Variants in HECTD4 observed in about 807,000 individuals in gnomAD.
HECTD4 encodes HECT domain E3 ubiquitin protein ligase 4.
A neutral mutation model predicts 471.5 loss-of-function variants in HECTD4; 114 were observed. The ratio of observed to expected loss-of-function variants is 0.24; its 90% CI spans 0.21 to 0.28. HECTD4 has a LOEUF of 0.28. Among genes scored for constraint, HECTD4 ranks in the 10% least tolerant of loss-of-function variants. The probability of loss-of-function intolerance (pLI) is 1.00; values close to 1 mark genes in which losing one functional copy is unlikely to be tolerated. For synonymous variants in HECTD4, 2,012 were observed against 2,256.0 expected (o/e 0.89, Z 3.07); for missense variants, 3,866 against 5,651.5 (o/e 0.68, Z 10.13).
Position 112,228,944 on chromosome 12 carries a change from G to T in HECTD4, c.6520-133C>A. The T allele has an allele frequency of 1.2e-6, 1 of 835,028 alleles. No homozygotes were observed. Among genetic ancestry groups the T allele is most frequent in the Non-Finnish European group, 1.9e-6 (1 of 518,196 alleles). 51.7% of individuals were successfully genotyped at this position (835,028 alleles called of 1,614,324 possible). ...AGTAATAGTTTATACTACTAGGGTA[G>T]CAGATACCAAGCCCTAGACATGACT... On this transcript the variant is annotated intron_variant, in intron 41 of 75. Coordinates refer to ENST00000682272, the MANE Select transcript of HECTD4 (RefSeq NM_001388303.1). This position sits in a 1 kb window ranked among gnomAD's most constrained non-coding sequence, Gnocchi z 4.9.
intron 34 of HECTD4, 82 bp from the exon 35 acceptor site, chr12:112,237,180 T>C: frequency 8.0e-7 from 1 of 1,244,096 alleles, no homozygotes; most frequent in Non-Finnish European, 1.1e-6. Flanking sequence ...GCGAGCCCTG[T>C]CCATTTATCT....
intron 1 of HECTD4, among the ~76,000 whole-genome samples, chr12:112,330,814 C>T (rs889863909): frequency 2.0e-5 from 3 of 152,212 alleles, no homozygotes; most frequent in African/African-American, 7.2e-5. Context: ...ACTAATTTTA[C>T]TTTTGCCTTC....
chr12:112,176,945 T>TTTCTA (rs2031472330), intron 64 of HECTD4, among the ~76,000 whole-genome samples: 1 of 152,242 alleles, frequency 6.6e-6, no homozygotes, highest in Non-Finnish European at 1.5e-5. Context: ...TCAAACACTC[T>TTTCTA]TTCTACATAT....
At chr12:112,312,898 T>C (rs1313086517) in intron 4 of HECTD4, 119 bp downstream of exon 4, 3 of 749,400 alleles carry the variant, frequency 4.0e-6, no homozygotes, top group Non-Finnish European at 6.3e-6. Context: ...TGAATAGAAA[T>C]CTGGAGCTCT....
intron 66 of HECTD4, 49 bp from the exon 67 acceptor site, chr12:112,172,910 G>C (rs11066188): frequency 6.6e-7 from 1 of 1,504,030 alleles, no homozygotes; most frequent in Non-Finnish European, 9.2e-7. Context: ...AGGGCACACC[G>C]GGATGACTGT....
Position 112,381,824 on chromosome 12 carries a change from C to G in HECTD4, c.177+128G>C, listed in dbSNP as rs964767304. On this transcript the variant is annotated intron_variant, in intron 1 of 75. Transcript: ENST00000682272. This position sits in a 1 kb window ranked among gnomAD's most constrained non-coding sequence, Gnocchi z 4.1. Reference sequence around the variant, plus strand: ...CGCGGCCCCACCTGCCCGCCCCGCGCCCACACACACCTGCCCCGGCAGCCG... The same window carrying G: ...CGCGGCCCCACCTGCCCGCCCCGCGGCCACACACACCTGCCCCGGCAGCCG... 1.8e-6 allele frequency: 1 copy of G among 555,522 alleles called. No individual in the cohort carries two copies. Among genetic ancestry groups the G allele is most frequent in the Non-Finnish European group, 2.6e-6 (1 of 381,476 alleles). The allele number at this position is 555,522 out of a possible 1,614,324, so 34.4% of individuals were successfully genotyped here.
intron 55 of HECTD4, among the ~76,000 whole-genome samples, chr12:112,196,932 A>G (rs1487338028): frequency 1.3e-5 from 2 of 151,940 alleles, no homozygotes; most frequent in Non-Finnish European, 2.9e-5. Flanking sequence ...AGTAGCGGGG[A>G]TTACAGGCGT....
At position 112,246,959 on chromosome 12, in the gene HECTD4, G is replaced by A; in HGVS notation, c.4455C>T (p.Thr1485=). The change falls in exon 29 of 76, where the codon ACC becomes ACT. Residue 1485 remains threonine, a synonymous_variant. Transcript: ENST00000682272. ...MNRAELLLHV[T]IAAQSGLTRS... ...TCGTGAGGCCCGACTGGGCTGCGAT[G>A]GTGACATGCAGCAACAGCTCGGCTC... The A allele has an allele frequency of 6.2e-7, 1 of 1,612,248 alleles. No homozygotes were observed. The highest frequency in any genetic ancestry group is 1.1e-5 in the South Asian group (1 of 90,972).
At chr12:112,222,264 A>T (rs1236018515) in intron 44 of HECTD4, among the ~76,000 whole-genome samples, 1 of 151,754 alleles carries the variant, frequency 6.6e-6, no homozygotes, top group Non-Finnish European at 1.5e-5. Context: ...ACCAAGTTGG[A>T]CAGGCTGGTC....
chr12:112,206,994 G>GA (rs1413514295), intron 52 of HECTD4, among the ~76,000 whole-genome samples: 7 of 152,090 alleles, frequency 4.6e-5, no homozygotes, highest in Non-Finnish European at 8.8e-5. Context: ...TTAAGTGTTA[G>GA]AATAAACAAG....
At position 112,173,598 on chromosome 12, in the gene HECTD4, G is replaced by C. The variant is rs1396353981; in HGVS notation, c.11595-737C>G. On this transcript the variant is annotated intron_variant, in intron 66 of 75. Transcript: ENST00000682272. The surrounding 1 kb of genome is among the most constrained non-coding windows in gnomAD (Gnocchi z 4.3). ...TTTAGTAGAGACGAGGTTTCACCGT[G>C]TTAGCCAGGATGGTCTCAATCTCCT... 6.6e-6 allele frequency among the ~76,000 whole-genome samples: 1 copy of C among 151,724 alleles called. No individual in the cohort carries two copies. The highest frequency in any genetic ancestry group is 1.9e-4 in the East Asian group (1 of 5,134).
chr12:112,208,111 T>A, intron 51 of HECTD4, 111 bp from the exon 52 acceptor site: 2 of 1,262,022 alleles, frequency 1.6e-6, no homozygotes, highest in Non-Finnish European at 2.2e-6. Context: ...TAAATGCCAG[T>A]AATAGAAAGA....
chr12:112,302,522 C>G, intron 7 of HECTD4: 1 of 729,536 alleles, frequency 1.4e-6, no homozygotes, highest in Admixed American at 1.8e-5. Context: ...TAGGTGAGTT[C>G]TCTTTTGGGC....
chr12:112,203,864 C>A (rs7958042), intron 53 of HECTD4, 92 bp from the exon 54 acceptor site: 1 of 647,962 alleles, frequency 1.5e-6, no homozygotes, highest in Non-Finnish European at 2.4e-6. Flanking sequence ...TCCAGATAAA[C>A]ATAAAATAAT....
At chr12:112,275,910 T>C (rs2034516235) in intron 9 of HECTD4, among the ~76,000 whole-genome samples, 2 of 152,212 alleles carry the variant, frequency 1.3e-5, no homozygotes, top group South Asian at 2.1e-4. Flanking sequence ...TGGCCACTTA[T>C]ATGAATAATA....
intron 67 of HECTD4, 84 bp downstream of exon 67, chr12:112,172,587 G>T: frequency 1.5e-6 from 2 of 1,350,252 alleles, no homozygotes; most frequent in South Asian, 1.2e-5. Flanking sequence ...ACGTCTAAAT[G>T]AATCTAGCCC....
Position 112,231,700 on chromosome 12 carries a change from C to G in HECTD4, c.6013G>C (p.Val2005Leu). The G allele has an allele frequency of 6.2e-7, 1 of 1,611,790 alleles. No homozygotes were observed. The highest frequency in any genetic ancestry group is 8.5e-7 in the Non-Finnish European group (1 of 1,179,652). Residue 2005 changes from valine (V) to leucine (L), a missense_variant, in exon 39 of 76, where the codon GTG becomes CTG. This residue lies in a region of HECTD4 where 617 missense variants were observed against 915.1 expected (regional missense o/e 0.67). Coordinates refer to ENST00000682272, the MANE Select transcript of HECTD4 (RefSeq NM_001388303.1). ...RDMTKGGCCE[V>L]ITEEAAAALR... The stretch of plus-strand genomic sequence containing the variant: ...GCGGCTGCAGCCTCTTCTGTAATCA[C>G]TTCGCAACAGCCACCCTGGGGTGAG...
intron 44 of HECTD4, among the ~76,000 whole-genome samples, chr12:112,223,714 C>T (rs2033158409): frequency 6.6e-6 from 1 of 152,168 alleles, no homozygotes; most frequent in Non-Finnish European, 1.5e-5. Context: ...GCCACCACGT[C>T]CGGCCTTCAG....
In HECTD4 at chr12:112,208,629, T is replaced by C. The variant is rs1165786295; in HGVS notation, c.7869A>G (p.Gln2623=). ...AATGACAGGAGGTGTCACTATCATA[T>C]TCTGTAACAGAGCACAAGGACAGCG... ...RIAAVATAQQ[Q]YDSDTSCHYK... is the part of the protein sequence containing the mutation. Residue 2623 remains glutamine (Q), a splice_region_variant and synonymous_variant, in exon 51 of 76, where the codon CAA becomes CAG. Coordinates refer to ENST00000682272, the MANE Select transcript of HECTD4 (RefSeq NM_001388303.1). The C allele has an allele frequency of 6.4e-7, 1 of 1,571,422 alleles. No individual in the cohort carries two copies. Among genetic ancestry groups the C allele is most frequent in the Non-Finnish European group, 8.6e-7 (1 of 1,163,552 alleles).
Sources: allele counts gnomAD v4.1 joint callset (sites outside exome capture counted in the v4.1 genomes callset), GRCh38; gene constraint gnomAD v4.1.1; regional missense constraint gnomAD v4.1.1; non-coding constraint Gnocchi (gnomAD v3.1); transcripts MANE v1.5; gene names NCBI Gene and HGNC (gene_info 2026-07-23, HGNC 2026-07-21).